CSMD3: variants seen among roughly 807,000 people sequenced by gnomAD.
CSMD3 encodes the protein CUB and Sushi multiple domains 3.
In CSMD3, 177 loss-of-function variants were observed where a neutral mutation model predicts 435.2. The observed-to-expected ratio is 0.41, with a 90% CI of 0.36 to 0.46. CSMD3 has a LOEUF of 0.46. CSMD3 is among the 20% of genes least tolerant of loss of function. CSMD3 has a pLI of 0.34. For synonymous variants in CSMD3, 1,656 were observed against 1,520.5 expected (o/e 1.09, Z -2.07); for missense variants, 4,265 against 4,504.6 (o/e 0.95, Z 1.52).
chr8:112,527,053 G>C (rs1825046238), intron 27 of CSMD3, among the ~76,000 whole-genome samples: 1 of 151,626 alleles, frequency 6.6e-6, no homozygotes, highest in Non-Finnish European at 1.5e-5. Context: ...ACAATTAACA[G>C]GTGGATTCAA....
In CSMD3 at chr8:112,534,672, T is replaced by G. The variant is rs569385459; in HGVS notation, c.4564+15999A>C. ...AGAAAAAGAGGGAATCCTCCCTAAC[T>G]CATTTTATGAGGCCAGCATCATTCT... On this transcript the variant is annotated intron_variant, in intron 27 of 70. Transcript: ENST00000297405. 1.7e-3 allele frequency among the ~76,000 whole-genome samples: 264 copies of G among 152,194 alleles called. 2 individuals are homozygous for G. The highest frequency in any genetic ancestry group is 5.9e-3 in the African/African-American group (244 of 41,514).
intron 1 of CSMD3, among the ~76,000 whole-genome samples, chr8:113,342,399 G>A (rs560409511): frequency 1.5e-4 from 23 of 152,172 alleles, no homozygotes; most frequent in South Asian, 4.1e-4. Flanking sequence ...TTTCTACAGC[G>A]CTATTTGCAG....
At chr8:113,298,317 AG>A (rs1326296651) in intron 2 of CSMD3, among the ~76,000 whole-genome samples, 5 of 152,074 alleles carry the variant, frequency 3.3e-5, no homozygotes, top group African/African-American at 4.8e-5. Flanking sequence ...AACCTAAATA[AG>A]GTTTTTTTTC....
chr8:113,153,102 AAAG>A (rs1191282763), intron 4 of CSMD3, among the ~76,000 whole-genome samples: 2 of 32,194 alleles, frequency 6.2e-5, no homozygotes, highest in South Asian at 1.1e-3. Context: ...GAAAGAAAGA[AAAG>A]AAAGAAAGAA....
intron 22 of CSMD3, among the ~76,000 whole-genome samples, chr8:112,616,382 A>G (rs535325817): frequency 6.6e-6 from 1 of 152,164 alleles, no homozygotes; most frequent in Non-Finnish European, 1.5e-5. Context: ...ATATAGCTTG[A>G]AAGTTACATA....
chr8:112,517,089 G>C lies in CSMD3; in HGVS notation c.4701C>G (p.Thr1567=), dbSNP rs373293740. ...GYELQGEERI[T]CIQVENRYFW... is the part of the protein sequence containing the mutation. Reference sequence around the variant, plus strand: ...AGTACCGATTTTCTACCTGAATGCAGGTTATTCTTTCCTCTCCTTGAAGTT... The same window carrying C: ...AGTACCGATTTTCTACCTGAATGCACGTTATTCTTTCCTCTCCTTGAAGTT... Residue 1567 remains threonine (T), a synonymous_variant, in exon 28 of 71, where the codon ACC becomes ACG. Transcript: ENST00000297405. 1 of 1,613,874 alleles carries C rather than the reference G, an allele frequency of 6.2e-7. No homozygotes were observed. Among genetic ancestry groups the C allele is most frequent in the South Asian group, 1.1e-5 (1 of 91,074 alleles).
chr8:112,586,618 A>T (rs930109163), intron 23 of CSMD3, among the ~76,000 whole-genome samples: 54 of 151,214 alleles, frequency 3.6e-4, no homozygotes, highest in African/African-American at 1.2e-3. Context: ...AATGCAAAAG[A>T]TTCTTCACGT....
intron 22 of CSMD3, among the ~76,000 whole-genome samples, chr8:112,615,693 A>C (rs1833611839): frequency 6.6e-6 from 1 of 152,102 alleles, no homozygotes; most frequent in East Asian, 1.9e-4. Context: ...TATATACTAT[A>C]AACCATACGA....
At chr8:112,967,032 G>T (rs1399423310) in intron 7 of CSMD3, among the ~76,000 whole-genome samples, 4 of 151,812 alleles carry the variant, frequency 2.6e-5, no homozygotes, top group Non-Finnish European at 5.9e-5. Flanking sequence ...CTCAGTGTAT[G>T]AGCAAACCTA....
intron 66 of CSMD3, among the ~76,000 whole-genome samples, chr8:112,240,514 C>G (rs1814017081): frequency 6.6e-6 from 1 of 152,048 alleles, no homozygotes; most frequent in Non-Finnish European, 1.5e-5. Context: ...TTGGTGGTCC[C>G]TCCACTTTTA....
chr8:112,830,467 C>A (rs1239677512), intron 11 of CSMD3, among the ~76,000 whole-genome samples: 15 of 151,816 alleles, frequency 9.9e-5, no homozygotes, highest in Non-Finnish European at 2.1e-4. Flanking sequence ...TATACCTATG[C>A]AAAAATTCAA....
intron 4 of CSMD3, among the ~76,000 whole-genome samples, chr8:113,124,096 T>A (rs1017648406): frequency 1.3e-5 from 2 of 151,972 alleles, no homozygotes; most frequent in Non-Finnish European, 2.9e-5. Flanking sequence ...ACGTGGTGGT[T>A]CATTCTTTCC....
At chr8:113,084,949 T>TA (rs1321628121) in intron 5 of CSMD3, among the ~76,000 whole-genome samples, 2 of 151,712 alleles carry the variant, frequency 1.3e-5, no homozygotes, top group African/African-American at 2.4e-5. Context: ...TCTCTCTATT[T>TA]AAAAAAAAGA....
chr8:112,470,549 A>G (rs559469015), intron 32 of CSMD3, among the ~76,000 whole-genome samples: 4 of 152,070 alleles, frequency 2.6e-5, no homozygotes, highest in African/African-American at 9.6e-5. Flanking sequence ...TTGAGCCTGA[A>G]CCCAGAAATC....
At chr8:113,285,122 C>T (rs2093636748) in intron 2 of CSMD3, among the ~76,000 whole-genome samples, 1 of 152,106 alleles carries the variant, frequency 6.6e-6, no homozygotes, top group Admixed American at 6.5e-5. Flanking sequence ...GGTTTCTTAA[C>T]AAGTATTTTG....
intron 32 of CSMD3, among the ~76,000 whole-genome samples, chr8:112,441,642 A>G (rs1586336241): frequency 1.3e-5 from 2 of 152,238 alleles, no homozygotes; most frequent in South Asian, 4.1e-4. Context: ...ATGGCTTGGG[A>G]AGCTTTGGGA....
chr8:113,398,347 C>T (rs932587888), intron 1 of CSMD3, among the ~76,000 whole-genome samples: 1 of 152,190 alleles, frequency 6.6e-6, no homozygotes, highest in Non-Finnish European at 1.5e-5. Flanking sequence ...AGGTGTATAT[C>T]TGGATTCTCT....
At chr8:113,236,231 C>T (rs1434135068) in intron 3 of CSMD3, among the ~76,000 whole-genome samples, 1 of 152,128 alleles carries the variant, frequency 6.6e-6, no homozygotes, top group African/African-American at 2.4e-5. Flanking sequence ...CTTGACCTTG[C>T]CAGTATTTTA....
intron 1 of CSMD3, among the ~76,000 whole-genome samples, chr8:113,379,852 T>G (rs542628007): frequency 6.6e-6 from 1 of 152,318 alleles, no homozygotes; most frequent in South Asian, 2.1e-4. Flanking sequence ...ATAGAAACTA[T>G]ACATTGTTTT....
Sources: allele counts gnomAD v4.1 joint callset (sites outside exome capture counted in the v4.1 genomes callset), GRCh38; gene constraint gnomAD v4.1.1; transcripts MANE v1.5; gene names NCBI Gene and HGNC (gene_info 2026-07-23, HGNC 2026-07-21).